Variants in COG5 observed in about 807,000 individuals in gnomAD.
The protein encoded by COG5 is conserved oligomeric Golgi complex subunit 5.
Under a neutral mutation model 110.4 loss-of-function variants are expected in COG5, and 86 were observed. That is an observed-to-expected ratio of 0.78 (90% CI 0.65 to 0.93). The LOEUF is 0.93. COG5 is among the 40% of genes least tolerant of loss of function. The pLI is 0.00. For synonymous variants in COG5, 360 were observed against 334.6 expected, an observed-to-expected ratio of 1.08 and a Z score of -0.83; for missense variants, 1,077 against 987.0, an observed-to-expected ratio of 1.09 and a Z score of -1.22.
Position 107,412,515 on chromosome 7 carries a change from C to T in COG5, c.656G>A (p.Gly219Asp), listed in dbSNP as rs760642504. 2.5e-6 allele frequency: 4 copies of T among 1,612,894 alleles called. No individual in the cohort carries two copies. In the East Asian group the frequency reaches 8.9e-5, roughly 36 times the overall value. Residue 219 changes from glycine to aspartate, a missense_variant, in exon 7 of 22, where the codon GGT (glycine) becomes GAT (aspartate). Transcript: ENST00000297135. ...TATTTTTATTACCTGAGTCTCCAAA[C>T]CCTGCTCTAGTAGGCGCTTAGCTTG... ...ENQAKRLLEQ[G>D]LETQNPTQVG...
intron 10 of COG5, among the ~76,000 whole-genome samples, chr7:107,334,875 T>C (rs1416619566): frequency 6.6e-6 from 1 of 152,016 alleles, no homozygotes; most frequent in Admixed American, 6.5e-5. Flanking sequence ...ACCAGAATAC[T>C]CTAATACTGT....
At chr7:107,248,813 A>G (rs1240962410) in intron 16 of COG5, among the ~76,000 whole-genome samples, 2 of 152,246 alleles carry the variant, frequency 1.3e-5, no homozygotes, top group Non-Finnish European at 2.9e-5. Context: ...CTAATGAGGT[A>G]AAGGTCAAAT....
At chr7:107,352,011 C>T (rs1450276469) in intron 10 of COG5, among the ~76,000 whole-genome samples, 7 of 133,978 alleles carry the variant, frequency 5.2e-5, no homozygotes, top group African/African-American at 1.8e-4. Flanking sequence ...CACATGCACA[C>T]ATGTTTATTG....
intron 11 of COG5, among the ~76,000 whole-genome samples, chr7:107,316,424 G>A (rs1204336572): frequency 1.3e-5 from 2 of 151,940 alleles, no homozygotes; most frequent in Admixed American, 1.3e-4. Context: ...TGGAAGAAAG[G>A]TACAGGAAAA....
At chr7:107,236,298 T>TC (rs1475505776) in intron 18 of COG5, 152 bp downstream of exon 18, 10 of 637,256 alleles carry the variant, frequency 1.6e-5, no homozygotes, top group Non-Finnish European at 2.5e-5. Context: ...CTTTAAACTC[T>TC]CCCTTTTTTT....
intron 6 of COG5, among the ~76,000 whole-genome samples, chr7:107,449,490 G>A (rs1795205712): frequency 6.6e-6 from 1 of 152,138 alleles, no homozygotes; most frequent in Non-Finnish European, 1.5e-5. Context: ...ATCTTCACTT[G>A]AGCAGTTTGT....
chr7:107,244,245 C>T (rs1801875486), intron 17 of COG5, among the ~76,000 whole-genome samples: 1 of 152,038 alleles, frequency 6.6e-6, no homozygotes, highest in South Asian at 2.1e-4. Context: ...CAGCAAGACT[C>T]CATCTCAAAA....
At chr7:107,355,581 T>C (rs1439628173) in intron 10 of COG5, among the ~76,000 whole-genome samples, 1 of 152,216 alleles carries the variant, frequency 6.6e-6, no homozygotes, top group African/African-American at 2.4e-5. Flanking sequence ...CAATGGAATA[T>C]TGTTCAGTGA....
chr7:107,407,950 G>A (rs1208686535), intron 7 of COG5, among the ~76,000 whole-genome samples: 2 of 152,132 alleles, frequency 1.3e-5, no homozygotes, highest in Non-Finnish European at 1.5e-5. Context: ...AGAATTTTAA[G>A]TAGCAAACGG....
At chr7:107,524,888 A>T (rs1800613689) in intron 6 of COG5, among the ~76,000 whole-genome samples, 1 of 152,146 alleles carries the variant, frequency 6.6e-6, no homozygotes, top group Non-Finnish European at 1.5e-5. Context: ...ACTAACTCAG[A>T]ACATTATGAT....
intron 11 of COG5, among the ~76,000 whole-genome samples, chr7:107,310,725 G>A (rs1169563265): frequency 6.6e-6 from 1 of 152,188 alleles, no homozygotes; most frequent in African/African-American, 2.4e-5. Flanking sequence ...TCATTAGGGA[G>A]CAGGTGCTAA....
chr7:107,557,907 A>C, intron 2 of COG5, 69 bp downstream of exon 2: 1 of 1,535,238 alleles, frequency 6.5e-7, no homozygotes, highest in Admixed American at 1.7e-5. Flanking sequence ...GTATTTAATA[A>C]GATTACAAAA....
intron 6 of COG5, among the ~76,000 whole-genome samples, chr7:107,516,085 C>T (rs1470222123): frequency 2.0e-5 from 3 of 152,214 alleles, no homozygotes; most frequent in East Asian, 1.9e-4. Flanking sequence ...ATTCAATCTA[C>T]ACTTTGTAGT....
intron 6 of COG5, among the ~76,000 whole-genome samples, chr7:107,494,395 A>C (rs1246764035): frequency 6.6e-6 from 1 of 152,324 alleles, no homozygotes; most frequent in East Asian, 1.9e-4. Context: ...TTAATTAGTA[A>C]CAGTGGTCCC....
chr7:107,328,894 C>T (rs1810004121), intron 10 of COG5, among the ~76,000 whole-genome samples: 1 of 152,134 alleles, frequency 6.6e-6, no homozygotes, highest in African/African-American at 2.4e-5. Context: ...GATCTTGGCT[C>T]ATTGCAACCT....
chr7:107,398,040 A>C (rs1025643839), intron 7 of COG5, among the ~76,000 whole-genome samples: 8 of 152,162 alleles, frequency 5.3e-5, no homozygotes, highest in African/African-American at 1.9e-4. Context: ...AACCTCTAAA[A>C]GAAAACATGA....
intron 19 of COG5, among the ~76,000 whole-genome samples, chr7:107,222,452 C>T (rs1433700676): frequency 1.3e-5 from 2 of 152,224 alleles, no homozygotes; most frequent in African/African-American, 4.8e-5. Flanking sequence ...GATCCGCCCA[C>T]CTCGGCCTTC....
intron 19 of COG5, among the ~76,000 whole-genome samples, chr7:107,225,058 G>C (rs1800227549): frequency 6.6e-6 from 1 of 152,196 alleles, no homozygotes; most frequent in Non-Finnish European, 1.5e-5. Context: ...ATGAGGGCGT[G>C]TGCATGTGTG....
intron 19 of COG5, among the ~76,000 whole-genome samples, chr7:107,221,118 C>T (rs1799892324): frequency 6.6e-6 from 1 of 151,986 alleles, no homozygotes; most frequent in Admixed American, 6.6e-5. Flanking sequence ...CACCTGGCTT[C>T]ATGCCCTCAC....
Sources: allele counts gnomAD v4.1 joint callset (sites outside exome capture counted in the v4.1 genomes callset), GRCh38; gene constraint gnomAD v4.1.1; transcripts MANE v1.5; gene names NCBI Gene and HGNC (gene_info 2026-07-23, HGNC 2026-07-21).